The following SNTG1 variants were observed in gnomAD, a reference collection of about 807,000 sequenced individuals.
The protein encoded by SNTG1 is gamma-1-syntrophin.
In SNTG1, 39 loss-of-function variants were observed where a neutral mutation model predicts 74.7. The ratio of observed to expected loss-of-function variants is 0.52; its 90% CI spans 0.40 to 0.68. The LOEUF is 0.68. Ranked by LOEUF, SNTG1 falls within the 30% of genes least tolerant of loss-of-function variation. The probability of loss-of-function intolerance (pLI) is 0.00; values close to 1 mark genes in which losing one functional copy is unlikely to be tolerated. For synonymous variants in SNTG1, 254 were observed against 217.1 expected (o/e 1.17, Z -1.49); for missense variants, 685 against 609.5 (o/e 1.12, Z -1.30).
At chr8:50,457,666 G>C (rs1047787771) in intron 8 of SNTG1, among the ~76,000 whole-genome samples, 1 of 152,130 alleles carries the variant, frequency 6.6e-6, no homozygotes, top group African/African-American at 2.4e-5. Flanking sequence ...TAGACAAGAC[G>C]GGGGGAATCC....
Position 50,433,449 on chromosome 8 carries a change from C to A in SNTG1, c.163-5094C>A, listed in dbSNP as rs191592373. Among the ~76,000 whole-genome samples the A allele has an allele frequency of 3.4e-5, 5 of 148,838 alleles. No homozygotes were observed. The East Asian group carries it at 9.9e-4, about 30-fold the overall frequency. On this transcript the variant is annotated intron_variant, in intron 4 of 18. Transcript: ENST00000642720. ...CAGGGAAAATATTACATTTCTCCCC[C>A]TTTTTACTACATTGCACCATGAGTT...
chr8:50,552,697 G>A (rs188753789), intron 11 of SNTG1, among the ~76,000 whole-genome samples: 3 of 152,274 alleles, frequency 2.0e-5, no homozygotes, highest in Non-Finnish European at 4.4e-5. Context: ...GACAATGGTA[G>A]CCAAAATAAT....
intron 8 of SNTG1, among the ~76,000 whole-genome samples, chr8:50,500,236 T>A (rs541992359): frequency 1.3e-5 from 2 of 151,854 alleles, no homozygotes; most frequent in South Asian, 4.2e-4. Context: ...TTTTCTTTTT[T>A]TTTTTTGGTC....
intron 9 of SNTG1, 123 bp downstream of exon 9, chr8:50,503,003 A>C (rs1347773763): frequency 1.4e-6 from 1 of 724,264 alleles, no homozygotes; most frequent in Non-Finnish European, 2.3e-6. Context: ...AAACATTTTT[A>C]TATTACAAAG....
At chr8:50,499,173 T>C (rs1261477611) in intron 8 of SNTG1, among the ~76,000 whole-genome samples, 6 of 151,842 alleles carry the variant, frequency 4.0e-5, no homozygotes, top group East Asian at 1.9e-4. Flanking sequence ...GATTTCCATA[T>C]GGGTTTGATA....
intron 13 of SNTG1, among the ~76,000 whole-genome samples, chr8:50,629,701 C>T (rs2094982895): frequency 6.6e-6 from 1 of 152,066 alleles, no homozygotes; most frequent in Admixed American, 6.6e-5. Context: ...TCTTGTTACA[C>T]CTCTGTAAGA....
chr8:50,410,749 C>T (rs1032211886), intron 4 of SNTG1, among the ~76,000 whole-genome samples: 1 of 152,060 alleles, frequency 6.6e-6, no homozygotes, highest in African/African-American at 2.4e-5. Context: ...TATGCATGTG[C>T]GAGGTCATAC....
At chr8:50,695,971 G>C (rs1048944289) in intron 15 of SNTG1, among the ~76,000 whole-genome samples, 2 of 151,672 alleles carry the variant, frequency 1.3e-5, no homozygotes, top group Non-Finnish European at 2.9e-5. Context: ...CTTTTCCTTT[G>C]GATATATACC....
At chr8:50,379,669 T>C (rs954749069) in intron 2 of SNTG1, among the ~76,000 whole-genome samples, 2 of 152,182 alleles carry the variant, frequency 1.3e-5, no homozygotes, top group Admixed American at 1.3e-4. Flanking sequence ...ACAGTAATAA[T>C]AATAAATGTT....
At chr8:50,671,062 A>C (rs2095279519) in intron 15 of SNTG1, among the ~76,000 whole-genome samples, 1 of 151,460 alleles carries the variant, frequency 6.6e-6, no homozygotes, top group African/African-American at 2.4e-5. Flanking sequence ...TTAAAGACTT[A>C]AATGTTAGAC....
chr8:50,619,472 C>A (rs1303292248), intron 13 of SNTG1, among the ~76,000 whole-genome samples: 1 of 152,172 alleles, frequency 6.6e-6, no homozygotes, highest in Non-Finnish European at 1.5e-5. Context: ...TGGCTCACGC[C>A]TGTAATCCCA....
intron 1 of SNTG1, among the ~76,000 whole-genome samples, chr8:49,946,555 A>T (rs1248565421): frequency 6.6e-6 from 1 of 152,188 alleles, no homozygotes; most frequent in Non-Finnish European, 1.5e-5. Context: ...ATCAAAAAGG[A>T]AGTGATTTCA....
chr8:50,466,825 ATTG>A (rs765925640), intron 8 of SNTG1, among the ~76,000 whole-genome samples: 17 of 151,952 alleles, frequency 1.1e-4, no homozygotes, highest in Non-Finnish European at 1.8e-4. Context: ...TCAAATTTAA[ATTG>A]TTTATTGTTG....
At chr8:50,540,814 G>A (rs2623220) in intron 11 of SNTG1, among the ~76,000 whole-genome samples, 62,901 of 151,742 alleles carry the variant, frequency 0.41, 17,924 homozygotes, top group African/African-American at 0.82. Context: ...ATTTCTATTT[G>A]TTAATATCTA....
chr8:50,784,984 A>G (rs1406425060), intron 18 of SNTG1, among the ~76,000 whole-genome samples: 1 of 152,144 alleles, frequency 6.6e-6, no homozygotes, highest in Non-Finnish European at 1.5e-5. Context: ...CGGTGAAATT[A>G]TAAATTATTG....
At chr8:50,664,338 G>A (rs143052886) in intron 15 of SNTG1, among the ~76,000 whole-genome samples, 51 of 152,000 alleles carry the variant, frequency 3.4e-4, no homozygotes, top group African/African-American at 1.2e-3. Context: ...TGCAAAACTA[G>A]GAATATAAAA....
intron 5 of SNTG1, among the ~76,000 whole-genome samples, chr8:50,448,098 C>T (rs1309660552): frequency 6.6e-6 from 1 of 152,030 alleles, no homozygotes; most frequent in Non-Finnish European, 1.5e-5. Context: ...ACACACAGAC[C>T]AAAAAGCAGA....
chr8:50,772,386 G>C (rs1323430258), intron 18 of SNTG1, among the ~76,000 whole-genome samples: 1 of 152,096 alleles, frequency 6.6e-6, no homozygotes, highest in African/African-American at 2.4e-5. Context: ...TGTAGGGCCT[G>C]TCATTTATTT....
chr8:50,530,116 C>T (rs1309399460), intron 9 of SNTG1, 61 bp from the exon 10 acceptor site: 5 of 1,285,814 alleles, frequency 3.9e-6, no homozygotes, highest in South Asian at 2.4e-5. Context: ...TAATGGAATG[C>T]ATCAGTTTAG....
Sources: allele counts gnomAD v4.1 joint callset (sites outside exome capture counted in the v4.1 genomes callset), GRCh38; gene constraint gnomAD v4.1.1; transcripts MANE v1.5; gene names NCBI Gene and HGNC (gene_info 2026-07-23, HGNC 2026-07-21).